CYRIB: variants seen among roughly 807,000 people sequenced by gnomAD.
The protein encoded by CYRIB is CYFIP related Rac1 interactor B.
CYRIB carries 8 observed loss-of-function variants against 44.2 expected under a neutral mutation model. The observed-to-expected ratio is 0.18, with a 90% CI of 0.11 to 0.33. The LOEUF (loss-of-function observed/expected upper bound fraction) is 0.33, where lower values mean the gene tolerates loss of function less well. CYRIB is among the 10% of genes least tolerant of loss of function. The pLI is 1.00. For missense variants in CYRIB, 185 were observed against 382.8 expected (o/e 0.48, Z 4.31); for synonymous variants, 131 against 127.2 (o/e 1.03, Z -0.20).
upstream of CYRIB, chr8:129,940,024 G>C (rs2093552074): frequency 6.6e-6 from 1 of 152,188 alleles, no homozygotes; most frequent in African/African-American, 2.4e-5. Flanking sequence ...AGAGGAAGGA[G>C]GCGTGGCCAC....
intron 1 of CYRIB, among the ~76,000 whole-genome samples, chr8:129,988,146 C>G (rs1378476282): frequency 6.6e-6 from 1 of 152,184 alleles, no homozygotes; most frequent in East Asian, 1.9e-4. Context: ...TTCATAGTCT[C>G]CTGTAACAGG....
intron 1 of CYRIB, among the ~76,000 whole-genome samples, chr8:129,993,684 G>A (rs1326916604): frequency 6.7e-6 from 1 of 149,556 alleles, no homozygotes; most frequent in Non-Finnish European, 1.5e-5. Context: ...GCGACAGAGT[G>A]AAACTCTCTC....
intron 1 of CYRIB, among the ~76,000 whole-genome samples, chr8:129,999,865 G>A (rs1219097661): frequency 6.6e-6 from 1 of 152,172 alleles, no homozygotes; most frequent in African/African-American, 2.4e-5. Flanking sequence ...TTGGGCTCAA[G>A]CGATCCTCCC....
intron 10 of CYRIB, among the ~76,000 whole-genome samples, chr8:129,848,999 T>C (rs1005073998): frequency 2.0e-5 from 3 of 152,190 alleles, no homozygotes; most frequent in African/African-American, 4.8e-5. Context: ...GCCAAATACG[T>C]AGTAGAAGCC....
chr8:129,967,668 C>T (rs1239954429), intron 2 of CYRIB, among the ~76,000 whole-genome samples: 6 of 152,150 alleles, frequency 3.9e-5, no homozygotes, highest in Non-Finnish European at 8.8e-5. Context: ...CGTGAGCCAC[C>T]GTGCCCGGCT....
intron 1 of CYRIB, among the ~76,000 whole-genome samples, chr8:129,991,572 A>G (rs1591955553): frequency 6.6e-6 from 1 of 152,044 alleles, no homozygotes; most frequent in Middle Eastern, 3.4e-3. Context: ...CAGCCTTAGG[A>G]CTCTGCAGAG....
intron 1 of CYRIB, among the ~76,000 whole-genome samples, chr8:130,011,063 CAT>C (rs1287015622): frequency 2.0e-5 from 3 of 152,098 alleles, no homozygotes; most frequent in Non-Finnish European, 2.9e-5. Context: ...CTCACTAAAA[CAT>C]AGCCCATCAT....
At chr8:129,867,141 T>C (rs990442341) in intron 4 of CYRIB, among the ~76,000 whole-genome samples, 1 of 152,168 alleles carries the variant, frequency 6.6e-6, no homozygotes, top group African/African-American at 2.4e-5. Context: ...TTGATTTATT[T>C]TGATGGAGTT....
At chr8:129,842,518 G>C (rs899114498) in intron 11 of CYRIB, among the ~76,000 whole-genome samples, 28 of 152,322 alleles carry the variant, frequency 1.8e-4, no homozygotes, top group African/African-American at 6.7e-4. Flanking sequence ...CTATCCCAGA[G>C]GCTGGCAAAT....
At chr8:130,005,692 T>C (rs1303876609) in intron 1 of CYRIB, among the ~76,000 whole-genome samples, 3 of 152,044 alleles carry the variant, frequency 2.0e-5, no homozygotes, top group African/African-American at 7.2e-5. Flanking sequence ...GCTCCATCTG[T>C]GCCTTAAAAA....
chr8:129,998,394 G>C (rs1007511700), intron 1 of CYRIB, among the ~76,000 whole-genome samples: 1 of 152,174 alleles, frequency 6.6e-6, no homozygotes, highest in African/African-American at 2.4e-5. Flanking sequence ...ATTCCACAAG[G>C]AAGTGGATGA....
intron 1 of CYRIB, among the ~76,000 whole-genome samples, 160 bp from the exon 3 acceptor site, chr8:129,904,745 C>T (rs1472037004): frequency 6.6e-6 from 1 of 152,204 alleles, no homozygotes; most frequent in Non-Finnish European, 1.5e-5. Context: ...CACCCAAACT[C>T]TCACTACCTA....
chr8:129,891,478 AAAGG>A (rs2065382307), intron 2 of CYRIB, among the ~76,000 whole-genome samples: 1 of 152,220 alleles, frequency 6.6e-6, no homozygotes, highest in African/African-American at 2.4e-5. Flanking sequence ...TGTGAAATGT[AAAGG>A]AAGAGACAGA....
intron 11 of CYRIB, among the ~76,000 whole-genome samples, chr8:129,846,027 G>C (rs142796196): frequency 2.7e-4 from 41 of 152,232 alleles, no homozygotes; most frequent in African/African-American, 8.9e-4. Flanking sequence ...AGCTACTCGG[G>C]AGGCTGAGGC....
At chr8:129,862,529 G>C (rs540386545) in intron 4 of CYRIB, among the ~76,000 whole-genome samples, 195 bp from the exon 7 acceptor site, 1 of 152,118 alleles carries the variant, frequency 6.6e-6, no homozygotes, top group South Asian at 2.1e-4. Flanking sequence ...GAAGTGCAGT[G>C]GCGTGATCTC....
At chr8:129,852,139 G>A in intron 8 of CYRIB, 23 bp downstream of exon 10, 1 of 1,440,646 alleles carries the variant, frequency 6.9e-7, no homozygotes, top group South Asian at 1.3e-5. Context: ...ACAACACAGA[G>A]TACCTGCCTA....
At chr8:129,864,300 T>A (rs1341538548) in intron 4 of CYRIB, among the ~76,000 whole-genome samples, 3 of 152,242 alleles carry the variant, frequency 2.0e-5, no homozygotes, top group African/African-American at 7.2e-5. Flanking sequence ...TCTATAGTAA[T>A]GAGAACATCT....
chr8:130,005,383 G>A (rs539231037), intron 1 of CYRIB, among the ~76,000 whole-genome samples: 16 of 152,214 alleles, frequency 1.1e-4, no homozygotes, highest in African/African-American at 3.4e-4. Flanking sequence ...AAAAGAACTC[G>A]CCCTCCTCAC....
intron 1 of CYRIB, among the ~76,000 whole-genome samples, chr8:129,911,615 C>T (rs538214235): frequency 6.6e-6 from 1 of 151,998 alleles, no homozygotes; most frequent in South Asian, 2.1e-4. Context: ...GCCTGACCAA[C>T]ATGGTGAAAC....
Sources: gnomAD v4.1 joint callset for allele counts (sites outside exome capture counted in the v4.1 genomes callset) on GRCh38, gnomAD v4.1.1 for gene constraint, MANE v1.5 for transcripts, NCBI Gene and HGNC (gene_info 2026-07-23, HGNC 2026-07-21) for gene names.